Variants in TAF6L observed in about 807,000 individuals in gnomAD.
The protein encoded by TAF6L is TAF6-like RNA polymerase II p300/CBP-associated factor-associated factor 65 kDa subunit 6L.
Under a neutral mutation model 57.3 loss-of-function variants are expected in TAF6L, and 34 were observed. That is an observed-to-expected ratio of 0.59 (90% CI 0.45 to 0.79). The LOEUF (loss-of-function observed/expected upper bound fraction) is 0.79. Ranked by LOEUF, TAF6L falls within the 30% of genes least tolerant of loss-of-function variation. The pLI is 0.00. For missense variants in TAF6L, 782 were observed against 853.2 expected (o/e 0.92, Z 1.04); for synonymous variants, 417 against 376.3 (o/e 1.11, Z -1.25).
In TAF6L at chr11:62,782,218, C is replaced by G; in HGVS notation, c.712C>G (p.Leu238Val). 1 of 1,614,238 alleles carries G rather than the reference C, an allele frequency of 6.2e-7. No individual in the cohort carries two copies. Among genetic ancestry groups the G allele is most frequent in the Non-Finnish European group, 8.5e-7 (1 of 1,180,032 alleles). ...HLCLGPYVRC[L>V]VGSVLYCVLE... ...GTGCTTGGGGCCCTATGTCCGCTGT[C>G]TGGTGGGCAGTGTCCTCTACTGTGT... is the stretch of plus-strand genomic sequence containing the variant. Residue 238 changes from leucine to valine, a missense_variant, in exon 8 of 11, where the codon CTG becomes GTG. Physicochemically the swap from Leu to Val is conservative, Grantham distance 32. Coordinates refer to ENST00000294168, the MANE Select transcript of TAF6L (RefSeq NM_006473.4).
chr11:62,773,407 A>G (rs1240066793), intron 1 of TAF6L, among the ~76,000 whole-genome samples: 10 of 151,596 alleles, frequency 6.6e-5, no homozygotes, highest in Non-Finnish European at 1.5e-4. Flanking sequence ...TGGCTTCCCA[A>G]AGTGCTGGGA....
Position 62,775,935 on chromosome 11 carries a change from A to C in TAF6L, c.147+5A>C. 6.2e-7 allele frequency: 1 copy of C among 1,600,282 alleles called. No homozygotes were observed. Among genetic ancestry groups the C allele is most frequent in the Non-Finnish European group, 8.5e-7 (1 of 1,172,480 alleles). ...CGTCTGAGAGAGGCCACGCAGGTACACTCCCCTCACCCCCTGATACCTCCA... is the reference window on the plus strand; with the variant it reads ...CGTCTGAGAGAGGCCACGCAGGTACCCTCCCCTCACCCCCTGATACCTCCA... On this transcript the variant is annotated splice_donor_5th_base_variant and intron_variant, in intron 2 of 10. Coordinates refer to ENST00000294168, the MANE Select transcript of TAF6L (RefSeq NM_006473.4).
intron 1 of TAF6L, chr11:62,772,111 C>A (rs1168235758): frequency 6.6e-6 from 3 of 456,094 alleles, no homozygotes; most frequent in Non-Finnish European, 1.3e-5. Flanking sequence ...AACATTTAGC[C>A]TCTGAGGTTT....
At chr11:62,773,882 T>G (rs2084167237) in intron 1 of TAF6L, among the ~76,000 whole-genome samples, 2 of 151,620 alleles carry the variant, frequency 1.3e-5, no homozygotes, top group Admixed American at 6.6e-5. Context: ...GGATTGGGGG[T>G]GGAGGACAGG....
At chr11:62,785,434 C>A (rs192796677) in intron 9 of TAF6L, among the ~76,000 whole-genome samples, 1 of 149,736 alleles carries the variant, frequency 6.7e-6, no homozygotes, top group African/African-American at 2.5e-5. Flanking sequence ...CCTCCTGATC[C>A]GCCTGCCTTG....
intron 5 of TAF6L, 87 bp from the exon 6 acceptor site, chr11:62,778,782 G>A (rs1023144795): frequency 1.8e-6 from 2 of 1,096,486 alleles, no homozygotes; most frequent in Non-Finnish European, 2.8e-6. Context: ...ATGTGTGTGG[G>A]GATGGTGGTT....
In TAF6L at chr11:62,778,735, C is replaced by G. The variant is rs2084205081; in HGVS notation, c.437-134C>G. On this transcript the variant is annotated intron_variant, in intron 5 of 10. Transcript: ENST00000294168. ...GCTGAGCAGGCTCTAAGAGCAGTCT[C>G]TTGCCCTGGTTGTCCTGTCAGAAAG... 26 of 773,692 alleles carry G rather than the reference C, an allele frequency of 3.4e-5. 1 individual carries two copies. In the South Asian group the frequency reaches 3.8e-4, roughly 11 times the overall value. The allele number at this position is 773,692 out of a possible 1,614,324, so 47.9% of individuals were successfully genotyped here. A position where few individuals can be genotyped will look rare whatever the true frequency, so the allele number is the denominator to read the frequency against.
At position 62,786,276 on chromosome 11, in the gene TAF6L, T is replaced by C; in HGVS notation, c.977T>C (p.Leu326Pro). The change falls in exon 10 of 11, where the codon CTG becomes CCG. Residue 326 changes from leucine (L) to proline (P), a missense_variant. This residue lies in a region of TAF6L where 483 missense variants were observed against 445.1 expected (regional missense o/e 1.09). Coordinates refer to ENST00000294168, the MANE Select transcript of TAF6L (RefSeq NM_006473.4). ...TCCTTCCAGGCAGTAGAACGAGTCC[T>C]GTACCCACACCTGTCCACCTACTGG... ...ALGWKAVERV[L>P]YPHLSTYWTN... 6.2e-7 allele frequency: 1 copy of C among 1,613,780 alleles called. No homozygotes were observed. The highest frequency in any genetic ancestry group is 2.2e-5 in the East Asian group (1 of 44,876).
intron 6 of TAF6L, among the ~76,000 whole-genome samples, chr11:62,779,783 A>C (rs2084213638): frequency 6.6e-6 from 1 of 150,874 alleles, no homozygotes; most frequent in Admixed American, 6.6e-5. Context: ...CTCCCACCTC[A>C]GCTTCCCAAG....
In TAF6L at chr11:62,786,195, A is replaced by T. The variant is rs1590939277; in HGVS notation, c.961-65A>T. On this transcript the variant is annotated intron_variant, in intron 9 of 10. Transcript: ENST00000294168. ...GAGATAAAGGTAGGTCTTTCATGGG[A>T]AAGGGTCCTTGAGAGGGAATAAGTA... 5.8e-6 allele frequency: 9 copies of T among 1,555,282 alleles called. No individual in the cohort carries two copies. The East Asian group carries it at 2.0e-4, about 35-fold the overall frequency.
In TAF6L at chr11:62,786,996, C is replaced by A. The variant is rs561547191; in HGVS notation, c.1569C>A (p.Pro523=). The change falls in exon 11 of 11, where the codon CCC becomes CCA. Residue 523 remains proline, a synonymous_variant. Transcript: ENST00000294168. ...ASGPAASESR[P]LPRVHRARGA... is the part of the protein sequence containing the mutation. ...GGCCCGCCGCCTCTGAGAGCAGGCC[C>A]TTGCCGCGCGTGCATCGGGCGCGCG... The A allele has an allele frequency of 1.1e-5, 16 of 1,481,868 alleles. 1 individual carries two copies. Among genetic ancestry groups the A allele is most frequent in the Middle Eastern group, 2.2e-4 (1 of 4,454 alleles). 91.8% of individuals were successfully genotyped at this position (1,481,868 alleles called of 1,614,324 possible).
rs1460255930 is a variant in TAF6L, at chr11:62,786,321, T to TG, written c.1024dup (p.Asp342GlyfsTer2). 3 of 1,614,210 alleles carry TG rather than the reference T, an allele frequency of 1.9e-6. No individual in the cohort carries two copies. In the Admixed American group the frequency reaches 5.0e-5, roughly 27 times the overall value. On this transcript the variant is annotated frameshift_variant, in exon 10 of 11. Transcript: ENST00000294168. LOFTEE classifies it high-confidence loss of function. ...TACTGGACAAACTTGCAGGCTGTGC[T>TG]GGATGATTATTCAGTATCTAATGCC...
At chr11:62,776,262 C>T in intron 2 of TAF6L, 122 bp from the exon 3 acceptor site, 1 of 966,602 alleles carries the variant, frequency 1.0e-6, no homozygotes, top group Non-Finnish European at 1.6e-6. Flanking sequence ...GGAATCTAGG[C>T]TTCTGATCCC....
chr11:62,778,193 G>A (rs890998829), intron 4 of TAF6L, 65 bp downstream of exon 4: 3 of 1,613,656 alleles, frequency 1.9e-6, no homozygotes, highest in Non-Finnish European at 2.5e-6. Context: ...GTGGTGATGG[G>A]CTGGCTGGTG....
chr11:62,785,278 G>A (rs1243517725), intron 9 of TAF6L, among the ~76,000 whole-genome samples: 5 of 151,278 alleles, frequency 3.3e-5, no homozygotes, highest in Non-Finnish European at 5.9e-5. Context: ...TGCAACCTCT[G>A]CCTCCTGGGT....
rs932061430 is a variant in TAF6L, at chr11:62,786,834, C to T, written c.1407C>T (p.Pro469=). ...CTGCACCCACGGCTCCGCGGCCGCC[C>T]GGGGACAAGAAGGAGCCGGCGGCAG... ...GQPAPTAPRP[P]GDKKEPAAAP... is the part of the protein sequence containing the mutation. Residue 469 remains proline (P), a synonymous_variant, in exon 11 of 11, where the codon CCC becomes CCT. Transcript: ENST00000294168. 1.9e-6 allele frequency: 3 copies of T among 1,601,916 alleles called. No individual in the cohort carries two copies. Among genetic ancestry groups the T allele is most frequent in the African/African-American group, 1.3e-5 (1 of 74,718 alleles).
At chr11:62,786,016 A>C in intron 9 of TAF6L, 1 of 406,380 alleles carries the variant, frequency 2.5e-6, no homozygotes. Context: ...TTTAGCACAC[A>C]GGGCAGTGAT....
intron 8 of TAF6L, 99 bp from the exon 9 acceptor site, chr11:62,782,594 G>A (rs1229540227): frequency 2.6e-5 from 39 of 1,526,120 alleles, no homozygotes; most frequent in Non-Finnish European, 3.2e-5. Flanking sequence ...CAGCACTCCC[G>A]AGTGTGCTGT....
intron 1 of TAF6L, chr11:62,771,794 C>T: frequency 4.3e-6 from 1 of 234,528 alleles, no homozygotes; most frequent in Non-Finnish European, 8.7e-6. Context: ...ACTTTGGTCA[C>T]AGTCTAGATT....
Sources: allele counts gnomAD v4.1 joint callset (sites outside exome capture counted in the v4.1 genomes callset), GRCh38; gene constraint gnomAD v4.1.1; regional missense constraint gnomAD v4.1.1; transcripts MANE v1.5; gene names NCBI Gene and HGNC (gene_info 2026-07-23, HGNC 2026-07-21).